Variants in LRRC4C observed in about 807,000 individuals in gnomAD.
The protein encoded by LRRC4C is leucine rich repeat containing 4C.
Under a neutral mutation model 33.6 loss-of-function variants are expected in LRRC4C, and 5 were observed. The ratio of observed to expected loss-of-function variants is 0.15; its 90% CI spans 0.08 to 0.31. The LOEUF (loss-of-function observed/expected upper bound fraction) is 0.31. Ranked by LOEUF, LRRC4C falls within the 10% of genes least tolerant of loss-of-function variation. The pLI, the probability that LRRC4C is intolerant of heterozygous loss-of-function variation, is 1.00. For missense variants in LRRC4C, 560 were observed against 796.7 expected (o/e 0.70, Z 3.58); for synonymous variants, 329 against 302.0 (o/e 1.09, Z -0.93).
intron 2 of LRRC4C, among the ~76,000 whole-genome samples, chr11:40,654,396 T>C (rs1942984646): frequency 6.6e-6 from 1 of 152,206 alleles, no homozygotes; most frequent in Non-Finnish European, 1.5e-5. Context: ...GCTCACTTCT[T>C]GCATCAGTGT....
intron 5 of LRRC4C, among the ~76,000 whole-genome samples, chr11:40,154,058 A>G (rs1331584613): frequency 2.0e-5 from 3 of 152,130 alleles, no homozygotes; most frequent in Non-Finnish European, 4.4e-5. Context: ...CTATAAAGGA[A>G]AATCTATCAG....
At chr11:40,475,565 G>A (rs116647821) in intron 3 of LRRC4C, among the ~76,000 whole-genome samples, 1,685 of 152,068 alleles carry the variant, frequency 0.011, 34 homozygotes, top group African/African-American at 0.038. Context: ...AAACGTTCAC[G>A]TTCTGCCCAT....
At chr11:40,277,583 C>T (rs575514127) in intron 4 of LRRC4C, among the ~76,000 whole-genome samples, 3 of 151,960 alleles carry the variant, frequency 2.0e-5, no homozygotes, top group Admixed American at 1.3e-4. Context: ...TATTAATTAG[C>T]GGTAGTAGTA....
intron 2 of LRRC4C, among the ~76,000 whole-genome samples, chr11:40,829,913 A>G (rs978277924): frequency 2.6e-5 from 4 of 152,036 alleles, no homozygotes; most frequent in African/African-American, 9.7e-5. Context: ...AAAGTCCCCC[A>G]GGAATTGCTA....
At chr11:40,436,952 T>C (rs1951166573) in intron 3 of LRRC4C, among the ~76,000 whole-genome samples, 1 of 152,142 alleles carries the variant, frequency 6.6e-6, no homozygotes, top group South Asian at 2.1e-4. Context: ...AGAGGTGGTT[T>C]GGGATCAGTA....
chr11:40,132,687 A>G lies in LRRC4C; in HGVS notation c.-43+8114T>C, dbSNP rs553125592. ...ATTAGTGGAAAAACAACCATATAAA[A>G]GAAATAAATAAAAAATAATATTCTA... is the stretch of plus-strand genomic sequence containing the variant. On this transcript the variant is annotated intron_variant, in intron 6 of 6. Coordinates refer to ENST00000528697, the MANE Select transcript of LRRC4C (RefSeq NM_001258419.2). Among the ~76,000 whole-genome samples, 4 of 152,318 alleles carry G rather than the reference A, an allele frequency of 2.6e-5. No homozygotes were observed. In the East Asian group the frequency reaches 7.7e-4, roughly 29 times the overall value.
intron 2 of LRRC4C, among the ~76,000 whole-genome samples, chr11:40,895,807 A>T (rs1394375924): frequency 6.6e-6 from 1 of 152,184 alleles, no homozygotes; most frequent in Non-Finnish European, 1.5e-5. Context: ...GCTAATAATT[A>T]GGTCCAAAGA....
intron 3 of LRRC4C, among the ~76,000 whole-genome samples, chr11:40,397,975 T>C (rs966920090): frequency 1.3e-5 from 2 of 152,110 alleles, no homozygotes; most frequent in Non-Finnish European, 2.9e-5. Flanking sequence ...ACTATAATGA[T>C]GCAATAATTA....
At chr11:40,909,067 ATT>A (rs1221558240) in intron 2 of LRRC4C, among the ~76,000 whole-genome samples, 1 of 152,172 alleles carries the variant, frequency 6.6e-6, no homozygotes, top group East Asian at 1.9e-4. Flanking sequence ...TGTAGGTGTT[ATT>A]TTCTTTATAT....
intron 4 of LRRC4C, among the ~76,000 whole-genome samples, chr11:40,304,863 T>A (rs890164636): frequency 6.6e-6 from 1 of 151,924 alleles, no homozygotes; most frequent in African/African-American, 2.4e-5. Flanking sequence ...CCAGTTCAGA[T>A]CCTGAGCACT....
chr11:41,141,141 G>A lies in LRRC4C; in HGVS notation c.-495-207418C>T, dbSNP rs1021735692. Among the ~76,000 whole-genome samples, 35 of 152,196 alleles carry A rather than the reference G, an allele frequency of 2.3e-4. 1 individual carries two copies. The highest frequency in any genetic ancestry group is 5.9e-5 in the Non-Finnish European group (4 of 68,008). On this transcript the variant is annotated intron_variant, in intron 1 of 6. Coordinates refer to ENST00000528697, the MANE Select transcript of LRRC4C (RefSeq NM_001258419.2). The stretch of plus-strand genomic sequence containing the variant: ...CAAAAAGTTTTCTGCAAAATGTAAA[G>A]CATTATATAAATGTTGATTGAGATG...
At chr11:40,873,857 T>A (rs114318378) in intron 2 of LRRC4C, among the ~76,000 whole-genome samples, 2,105 of 152,324 alleles carry the variant, frequency 0.014, 43 homozygotes, top group African/African-American at 0.048. Flanking sequence ...ACATCTTCCA[T>A]GTTTCATGTT....
intron 3 of LRRC4C, among the ~76,000 whole-genome samples, chr11:40,616,094 C>G (rs1029266423): frequency 6.6e-6 from 1 of 151,838 alleles, no homozygotes; most frequent in African/African-American, 2.4e-5. Flanking sequence ...CAAAAAGTGG[C>G]TGAAGGATAT....
chr11:40,369,921 G>A (rs1304617180), intron 3 of LRRC4C, among the ~76,000 whole-genome samples: 1 of 152,108 alleles, frequency 6.6e-6, no homozygotes, highest in Non-Finnish European at 1.5e-5. Flanking sequence ...ATAGCAAATA[G>A]AGCAAGAAAA....
chr11:40,374,360 G>A (rs941878752), intron 3 of LRRC4C, among the ~76,000 whole-genome samples: 7 of 152,088 alleles, frequency 4.6e-5, no homozygotes, highest in Admixed American at 2.0e-4. Context: ...CAGATACTGC[G>A]TTAGACTCTG....
intron 3 of LRRC4C, among the ~76,000 whole-genome samples, chr11:40,609,670 A>G (rs1961002685): frequency 6.6e-6 from 1 of 152,008 alleles, no homozygotes; most frequent in African/African-American, 2.4e-5. Context: ...CTAGGAAAAA[A>G]GAGAGAAGAC....
At chr11:40,936,017 TATATATATATA>T (rs1957869364) in intron 1 of LRRC4C, among the ~76,000 whole-genome samples, 2 of 12,230 alleles carry the variant, frequency 1.6e-4, no homozygotes, top group African/African-American at 1.2e-3. Context: ...CCAAATTTTA[TATATATATATA>T]TATATATATA....
At chr11:40,478,539 C>T (rs974193010) in intron 3 of LRRC4C, among the ~76,000 whole-genome samples, 8 of 152,094 alleles carry the variant, frequency 5.3e-5, no homozygotes, top group African/African-American at 1.9e-4. Context: ...TTTATTTTCC[C>T]ATTCTGGTTA....
chr11:41,344,999 G>A (rs1007917440), intron 1 of LRRC4C, among the ~76,000 whole-genome samples: 7 of 151,996 alleles, frequency 4.6e-5, no homozygotes, highest in African/African-American at 1.2e-4. Flanking sequence ...TGTTTCCTGG[G>A]GAACTATTGA....
Sources: gnomAD v4.1 joint callset for allele counts (sites outside exome capture counted in the v4.1 genomes callset) on GRCh38, gnomAD v4.1.1 for gene constraint, MANE v1.5 for transcripts, NCBI Gene and HGNC (gene_info 2026-07-23, HGNC 2026-07-21) for gene names.